Variants in NELL1 observed in about 807,000 individuals in gnomAD.
NELL1 encodes the protein neural EGFL like 1.
NELL1 carries 76 observed loss-of-function variants against 107.4 expected under a neutral mutation model. The ratio of observed to expected loss-of-function variants is 0.71; its 90% CI spans 0.59 to 0.86. The LOEUF is 0.86. Among genes scored for constraint, NELL1 ranks in the 40% least tolerant of loss-of-function variants. The pLI is 0.00. For missense variants in NELL1, 1,024 were observed against 1,005.5 expected (o/e 1.02, Z -0.25); for synonymous variants, 353 against 341.2 (o/e 1.03, Z -0.38).
intron 3 of NELL1, among the ~76,000 whole-genome samples, chr11:20,785,061 G>A (rs1856926692): frequency 6.6e-6 from 1 of 152,196 alleles, no homozygotes; most frequent in Non-Finnish European, 1.5e-5. Context: ...ATTCCAGCAG[G>A]TAAGGGAAGA....
intron 13 of NELL1, among the ~76,000 whole-genome samples, chr11:21,164,195 G>A (rs1856433130): frequency 1.3e-5 from 2 of 152,198 alleles, no homozygotes; most frequent in African/African-American, 2.4e-5. Flanking sequence ...GACTATTACA[G>A]TAGCTGATTT....
At chr11:20,725,014 CT>C (rs1474582191) in intron 2 of NELL1, among the ~76,000 whole-genome samples, 1 of 152,202 alleles carries the variant, frequency 6.6e-6, no homozygotes, top group Non-Finnish European at 1.5e-5. Context: ...AAGTGCCACA[CT>C]TTAAAACCAT....
intron 14 of NELL1, among the ~76,000 whole-genome samples, chr11:21,341,419 T>A (rs1291864659): frequency 6.6e-6 from 1 of 152,202 alleles, no homozygotes; most frequent in African/African-American, 2.4e-5. Flanking sequence ...TTCTTACACA[T>A]GAGTGTGTGG....
intron 12 of NELL1, among the ~76,000 whole-genome samples, chr11:21,055,872 C>G (rs991218183): frequency 2.0e-5 from 3 of 152,094 alleles, no homozygotes; most frequent in African/African-American, 7.2e-5. Context: ...TTCAAATAAT[C>G]CTTTTTTACT....
intron 4 of NELL1, 60 bp from the exon 5 acceptor site, chr11:20,885,384 T>C: frequency 9.5e-7 from 1 of 1,050,128 alleles, no homozygotes; most frequent in Non-Finnish European, 1.5e-6. Flanking sequence ...AAACAGCATA[T>C]GCACCTTTTG....
At chr11:21,356,792 A>T (rs1233443908) in intron 14 of NELL1, among the ~76,000 whole-genome samples, 3 of 152,116 alleles carry the variant, frequency 2.0e-5, no homozygotes, top group Non-Finnish European at 4.4e-5. Context: ...GTAGTCTTTT[A>T]TCCCTTGAAC....
In NELL1 at chr11:20,907,762, G is replaced by A. The variant is rs555131889; in HGVS notation, c.604-10420G>A. Among the ~76,000 whole-genome samples the A allele has an allele frequency of 2.0e-5, 3 of 152,268 alleles. No homozygotes were observed. The East Asian group carries it at 5.8e-4, about 29-fold the overall frequency. ...TGCACAGCAAAAGAAACTATCATCA[G>A]AGTGAACAGGCATCCAACAGAGTGG... On this transcript the variant is annotated intron_variant, in intron 5 of 19. Transcript: ENST00000357134.
chr11:21,182,383 C>G (rs187878033), intron 13 of NELL1, among the ~76,000 whole-genome samples: 2 of 149,406 alleles, frequency 1.3e-5, no homozygotes, highest in African/African-American at 5.0e-5. Flanking sequence ...TGCAGTGAAC[C>G]GAGATCACGC....
chr11:21,439,292 G>A (rs1853216384), intron 15 of NELL1, among the ~76,000 whole-genome samples: 2 of 152,186 alleles, frequency 1.3e-5, no homozygotes, highest in South Asian at 4.1e-4. Context: ...AATCTTGGAT[G>A]TTATAAAGCA....
chr11:20,701,167 C>G (rs1854773099), intron 2 of NELL1, among the ~76,000 whole-genome samples: 2 of 152,094 alleles, frequency 1.3e-5, no homozygotes, highest in South Asian at 4.1e-4. Context: ...CTCTGCAGCA[C>G]CTGTTGTTTC....
chr11:20,680,846 T>A (rs916214278), intron 2 of NELL1, among the ~76,000 whole-genome samples: 1 of 152,148 alleles, frequency 6.6e-6, no homozygotes, highest in African/African-American at 2.4e-5. Flanking sequence ...GTGTCCTCTC[T>A]CAGTCTTCTT....
chr11:20,980,149 C>T (rs1412039406), intron 12 of NELL1, among the ~76,000 whole-genome samples: 1 of 152,022 alleles, frequency 6.6e-6, no homozygotes, highest in African/African-American at 2.4e-5. Flanking sequence ...CTGAATTTAT[C>T]GAGCATCTCT....
chr11:21,392,540 T>A (rs1453546872), intron 15 of NELL1, among the ~76,000 whole-genome samples: 1 of 151,738 alleles, frequency 6.6e-6, no homozygotes, highest in Non-Finnish European at 1.5e-5. Context: ...CTCGTTAGAG[T>A]TTGAGGGGAA....
intron 14 of NELL1, among the ~76,000 whole-genome samples, chr11:21,367,486 A>C (rs1014548290): frequency 6.6e-6 from 1 of 152,136 alleles, no homozygotes; most frequent in Non-Finnish European, 1.5e-5. Context: ...AGGAGTCCTC[A>C]CTAAAGAATA....
intron 14 of NELL1, among the ~76,000 whole-genome samples, chr11:21,285,640 A>G (rs1412093780): frequency 6.6e-6 from 1 of 152,202 alleles, no homozygotes; most frequent in South Asian, 2.1e-4. Flanking sequence ...AGCTGGACTC[A>G]AGAGTGTAGA....
In NELL1 at chr11:21,364,125, T is replaced by A. The variant is rs116713457; in HGVS notation, c.1550-6728T>A. On this transcript the variant is annotated intron_variant, in intron 14 of 19. Coordinates refer to ENST00000357134, the MANE Select transcript of NELL1 (RefSeq NM_006157.5). The stretch of plus-strand genomic sequence containing the variant: ...AGATTTCAGGAGTAATGTAAAAGAC[T>A]TCAGGCCAGGCGTGGTGGCTCACGC... 1.3e-3 allele frequency among the ~76,000 whole-genome samples: 191 copies of A among 152,118 alleles called. 1 individual carries two copies. Among genetic ancestry groups the A allele is most frequent in the African/African-American group, 4.4e-3 (181 of 41,498 alleles).
intron 3 of NELL1, among the ~76,000 whole-genome samples, chr11:20,819,117 C>T (rs2134022317): frequency 6.6e-6 from 1 of 152,272 alleles, no homozygotes; most frequent in Non-Finnish European, 1.5e-5. Flanking sequence ...CCCAGCATTT[C>T]CCAAACTTAC....
intron 15 of NELL1, among the ~76,000 whole-genome samples, chr11:21,414,783 G>C (rs1852467802): frequency 6.6e-6 from 1 of 151,982 alleles, no homozygotes; most frequent in Non-Finnish European, 1.5e-5. Context: ...AGTTGCTTTG[G>C]GTAAGGGGAA....
chr11:21,224,394 T>A, intron 13 of NELL1, among the ~76,000 whole-genome samples: 1 of 43,730 alleles, frequency 2.3e-5, no homozygotes, highest in South Asian at 6.7e-4. Context: ...CATACCCAGA[T>A]TTTTTTTTTT....
Sources: allele counts gnomAD v4.1 joint callset (sites outside exome capture counted in the v4.1 genomes callset), GRCh38; gene constraint gnomAD v4.1.1; transcripts MANE v1.5; gene names NCBI Gene and HGNC (gene_info 2026-07-23, HGNC 2026-07-21).